SORBS2: variants seen among roughly 807,000 people sequenced by gnomAD.
The protein encoded by SORBS2 is sorbin and SH3 domain containing 2, also known as sorbin and SH3 domain-containing protein 2.
Under a neutral mutation model 97.7 loss-of-function variants are expected in SORBS2, and 46 were observed. The ratio of observed to expected loss-of-function variants is 0.47; its 90% CI spans 0.37 to 0.60. The LOEUF is 0.60. Among genes scored for constraint, SORBS2 ranks in the 20% least tolerant of loss-of-function variants. The probability of loss-of-function intolerance (pLI) is 0.00; values close to 1 mark genes in which losing one functional copy is unlikely to be tolerated. For missense variants in SORBS2, 1,316 were observed against 1,282.3 expected, an observed-to-expected ratio of 1.03 and a Z score of -0.40; for synonymous variants, 476 against 473.4, an observed-to-expected ratio of 1.01 and a Z score of -0.07.
rs141640632 is a variant in SORBS2 at position 185,639,779 on chromosome 4, C to T, written c.396+6889G>A. Among the ~76,000 whole-genome samples the T allele has an allele frequency of 7.0e-4, 106 of 152,318 alleles. 1 individual carries two copies. The highest frequency in any genetic ancestry group is 2.6e-3 in the African/African-American group (106 of 41,568). ...AGGAGAGGAGCTGTGACTCCCAAGA[C>T]ATATTCTAGGAGGACTATTAAGTGC... On this transcript the variant is annotated intron_variant, in intron 4 of 14. Coordinates refer to ENST00000418609, the Ensembl canonical transcript of SORBS2.
chr4:185,694,716 C>T (rs28600910), intron 2 of SORBS2, among the ~76,000 whole-genome samples: 63,546 of 123,948 alleles, frequency 0.51, 17,180 homozygotes, highest in East Asian at 0.7. Context: ...CTTTTCTTTT[C>T]TTTTTTTTGA....
chr4:185,908,306 T>A (rs915245636), intron 1 of SORBS2, among the ~76,000 whole-genome samples: 3 of 110,296 alleles, frequency 2.7e-5, no homozygotes, highest in African/African-American at 1.1e-4. Context: ...TATATATATA[T>A]ATATATATAT....
rs575643987 is a variant in SORBS2, at chr4:185,606,863, T to G, written c.2796+4917A>C. On this transcript the variant is annotated intron_variant, in intron 12 of 14. Coordinates refer to ENST00000418609, the Ensembl canonical transcript of SORBS2. This position sits in a 1 kb window ranked among gnomAD's most constrained non-coding sequence, Gnocchi z 4.3. ...GGTACAGGCAAGGAACCCACGCTGG[T>G]GCACGCAGAGGCCACAAAATTATCC... 8.1e-6 allele frequency: 8 copies of G among 985,392 alleles called. No homozygotes were observed. Among genetic ancestry groups the G allele is most frequent in the South Asian group, 9.4e-5 (2 of 21,278 alleles). The allele number at this position is 985,392 out of a possible 1,614,324, so 61.0% of individuals were successfully genotyped here.
At chr4:185,932,250 G>A (rs1412671577) in intron 1 of SORBS2, among the ~76,000 whole-genome samples, 1 of 151,610 alleles carries the variant, frequency 6.6e-6, no homozygotes, top group Non-Finnish European at 1.5e-5. Flanking sequence ...AGGGGGCAGT[G>A]GAGGGAAAAA....
intron 1 of SORBS2, among the ~76,000 whole-genome samples, chr4:185,890,556 C>T (rs1386233459): frequency 2.0e-5 from 3 of 152,202 alleles, no homozygotes; most frequent in Non-Finnish European, 1.5e-5. Context: ...TCCACTCACA[C>T]CCGCTTCCGG....
chr4:185,643,093 G>A (rs940144633), intron 4 of SORBS2, among the ~76,000 whole-genome samples: 4 of 152,300 alleles, frequency 2.6e-5, no homozygotes, highest in Middle Eastern at 6.8e-3. Context: ...CACAGCCCTC[G>A]CCTTCAAGAA....
At chr4:185,708,738 T>C (rs2098383163) in intron 2 of SORBS2, among the ~76,000 whole-genome samples, 1 of 152,152 alleles carries the variant, frequency 6.6e-6, no homozygotes, top group Non-Finnish European at 1.5e-5. Context: ...GGAAGAAACA[T>C]GTGGTTTTGA....
intron 2 of SORBS2, among the ~76,000 whole-genome samples, chr4:185,727,027 C>T (rs184751185): frequency 1.6e-4 from 24 of 152,146 alleles, no homozygotes; most frequent in Admixed American, 1.2e-3. Context: ...CAAAACCAAG[C>T]GAGTTTGGAT....
At chr4:185,935,755 T>C (rs1046915551) in intron 1 of SORBS2, among the ~76,000 whole-genome samples, 1 of 152,164 alleles carries the variant, frequency 6.6e-6, no homozygotes, top group African/African-American at 2.4e-5. Flanking sequence ...ACACCAATAA[T>C]CAATCAGAGC....
chr4:185,947,612 GTTTTT>G (rs58097690), intron 1 of SORBS2, among the ~76,000 whole-genome samples: 3 of 150,700 alleles, frequency 2.0e-5, no homozygotes, highest in African/African-American at 7.3e-5. Flanking sequence ...TTTTTCTTGG[GTTTTT>G]TTTTTCTTTT....
At chr4:185,626,264 A>G (rs547965810) in intron 6 of SORBS2, among the ~76,000 whole-genome samples, 1 of 152,384 alleles carries the variant, frequency 6.6e-6, no homozygotes, top group South Asian at 2.1e-4. Flanking sequence ...GCTGCTGTGA[A>G]TTGACCACTG....
At chr4:185,777,257 G>A (rs1584656089) in intron 1 of SORBS2, among the ~76,000 whole-genome samples, 3 of 152,042 alleles carry the variant, frequency 2.0e-5, no homozygotes, top group South Asian at 2.1e-4. Context: ...CTAGAATAAA[G>A]CATTTTTCTT....
chr4:185,681,606 A>C (rs1243709836), intron 2 of SORBS2, among the ~76,000 whole-genome samples: 3 of 152,120 alleles, frequency 2.0e-5, no homozygotes, highest in Non-Finnish European at 4.4e-5. Context: ...AAATGGTGTA[A>C]GTTTTCCCCT....
chr4:185,949,179 T>C (rs1264586126), intron 1 of SORBS2, among the ~76,000 whole-genome samples: 1 of 152,144 alleles, frequency 6.6e-6, no homozygotes, highest in African/African-American at 2.4e-5. Context: ...CATGTGATGT[T>C]TGAGAACTCC....
At position 185,861,553 on chromosome 4, in the gene SORBS2, T is replaced by C. The variant is rs181547922; in HGVS notation, c.-337-86187A>G. ...GTCCCAGAGAGGAATCTGGATCTTA[T>C]TCCAGATGCATTTTAATTAAAGGGG... On this transcript the variant is annotated intron_variant, in intron 1 of 20. Transcript: ENST00000284776. 5.1e-4 allele frequency among the ~76,000 whole-genome samples: 77 copies of C among 152,014 alleles called. 1 individual carries two copies. Among genetic ancestry groups the C allele is most frequent in the Middle Eastern group, 3.4e-3 (1 of 292 alleles).
chr4:185,604,992 C>T (rs189899892), intron 12 of SORBS2, among the ~76,000 whole-genome samples: 2 of 152,284 alleles, frequency 1.3e-5, no homozygotes, highest in Non-Finnish European at 1.5e-5. Flanking sequence ...CAAAGCCACA[C>T]ATCTAATCAC....
Position 185,623,471 on chromosome 4 carries a change from T to C in SORBS2, c.1658A>G (p.His553Arg), listed in dbSNP as rs2096753291. ...GCAGGAGCTGATGAGGTGGCGGTGGTGGTGGTGGTGGTGATGGTGGTGGTG... is the reference window on the plus strand; with the variant it reads ...GCAGGAGCTGATGAGGTGGCGGTGGCGGTGGTGGTGGTGATGGTGGTGGTG... The change falls in exon 7 of 15, where the codon CAC becomes CGC. Residue 553 changes from histidine (H) to arginine (R), a missense_variant. Physicochemically the swap from His to Arg is conservative, Grantham distance 29. Transcript: ENST00000418609. This position sits in a 1 kb window ranked among gnomAD's most constrained non-coding sequence, Gnocchi z 6.4. 1 of 1,611,466 alleles carries C rather than the reference T, an allele frequency of 6.2e-7. No individual in the cohort carries two copies. Among genetic ancestry groups the C allele is most frequent in the East Asian group, 2.2e-5 (1 of 44,842 alleles).
intron 1 of SORBS2, among the ~76,000 whole-genome samples, chr4:185,800,007 G>T (rs1215924268): frequency 6.6e-6 from 1 of 152,146 alleles, no homozygotes; most frequent in Non-Finnish European, 1.5e-5. Flanking sequence ...AGACCAGCCT[G>T]GCCAACATGG....
At chr4:185,682,411 T>C (rs2097884678) in intron 2 of SORBS2, among the ~76,000 whole-genome samples, 1 of 152,224 alleles carries the variant, frequency 6.6e-6, no homozygotes, top group Non-Finnish European at 1.5e-5. Flanking sequence ...TCTGATGGAT[T>C]GTCCAGTGGG....
Sources: allele counts gnomAD v4.1 joint callset (sites outside exome capture counted in the v4.1 genomes callset), GRCh38; gene constraint gnomAD v4.1.1; non-coding constraint Gnocchi (gnomAD v3.1); transcripts MANE v1.5; gene names NCBI Gene and HGNC (gene_info 2026-07-23, HGNC 2026-07-21).